Variants in PDE1C observed in about 807,000 individuals in gnomAD.
PDE1C encodes dual specificity calcium/calmodulin-dependent 3',5'-cyclic nucleotide phosphodiesterase 1C.
In PDE1C, 62 loss-of-function variants were observed where a neutral mutation model predicts 93.1. That is an observed-to-expected ratio of 0.67 (90% CI 0.54 to 0.82). PDE1C has a LOEUF of 0.82. PDE1C is among the 40% of genes least tolerant of loss of function. The pLI is 0.00. For missense variants in PDE1C, 742 were observed against 884.6 expected (o/e 0.84, Z 2.04); for synonymous variants, 325 against 310.1 (o/e 1.05, Z -0.50).
intron 9 of PDE1C, among the ~76,000 whole-genome samples, chr7:31,845,198 T>C (rs986167574): frequency 6.6e-6 from 1 of 152,074 alleles, no homozygotes; most frequent in Non-Finnish European, 1.5e-5. Context: ...AGCATAGAAA[T>C]AATAGTTGTT....
intron 16 of PDE1C, among the ~76,000 whole-genome samples, chr7:31,781,561 T>C (rs940271999): frequency 1.3e-5 from 2 of 152,198 alleles, no homozygotes; most frequent in African/African-American, 4.8e-5. Context: ...CAACAAGCCA[T>C]TGCCTGAAGC....
chr7:31,667,681 T>G, the PDE1C span, among the ~76,000 whole-genome samples: 1 of 152,032 alleles, frequency 6.6e-6, no homozygotes, highest in African/African-American at 2.4e-5. Context: ...AGTGCTTTTA[T>G]GTAATCAGTA....
intron 16 of PDE1C, among the ~76,000 whole-genome samples, chr7:31,779,527 A>G (rs760480815): frequency 2.6e-5 from 4 of 152,176 alleles, no homozygotes; most frequent in Non-Finnish European, 5.9e-5. Context: ...AGTCAGTGAA[A>G]AAGCAGAACT....
the PDE1C span, among the ~76,000 whole-genome samples, chr7:31,631,774 G>A: frequency 2.6e-5 from 4 of 152,302 alleles, no homozygotes; most frequent in Non-Finnish European, 5.9e-5. Flanking sequence ...CAAATGTTAC[G>A]TAGAAATCTT....
At chr7:31,993,500 A>T (rs530999951) in intron 2 of PDE1C, among the ~76,000 whole-genome samples, 48 of 152,194 alleles carry the variant, frequency 3.2e-4, no homozygotes, top group African/African-American at 1.1e-3. Flanking sequence ...TAAGTGATCA[A>T]TTAGAAAGCA....
the PDE1C span, among the ~76,000 whole-genome samples, chr7:31,649,116 G>A: frequency 4.6e-5 from 7 of 152,206 alleles, no homozygotes; most frequent in Non-Finnish European, 1.0e-4. Flanking sequence ...GCTTTACTAT[G>A]CAAAATACGT....
upstream of PDE1C, among the ~76,000 whole-genome samples, chr7:32,074,708 A>G (rs1347309826): frequency 6.6e-6 from 1 of 152,322 alleles, no homozygotes; most frequent in African/African-American, 2.4e-5. Context: ...TGACATTTGA[A>G]CTGGATCTTG....
chr7:32,231,956 T>TAC (rs1491530109), intron 1 of PDE1C, among the ~76,000 whole-genome samples: 2,231 of 126,834 alleles, frequency 0.018, 32 homozygotes, highest in East Asian at 0.022. Flanking sequence ...TAAATATGTG[T>TAC]ATACACACAC....
chr7:32,038,408 C>T (rs563526890), intron 2 of PDE1C, among the ~76,000 whole-genome samples: 1 of 152,112 alleles, frequency 6.6e-6, no homozygotes, highest in East Asian at 1.9e-4. Context: ...ATTCTGTGGC[C>T]ATTAATTTTT....
At chr7:31,707,120 C>A in the PDE1C span, 1 of 1,259,764 alleles carries the variant, frequency 7.9e-7, no homozygotes, top group Non-Finnish European at 1.1e-6. Flanking sequence ...GGTTGCCATG[C>A]TCCTTTGTAC....
Position 31,824,955 on chromosome 7 carries a change from T to C in PDE1C, c.1318A>G (p.Thr440Ala), listed in dbSNP as rs760722489. Residue 440 changes from threonine to alanine, a missense_variant, in exon 13 of 18, where the codon ACT becomes GCT. Thr to Ala is a moderately conservative substitution (Grantham distance 58). Transcript: ENST00000396191. ...TTCTCGGTCATGTCCGTAAGCACAGTGAAGGTGGGTTCCACGATGAAATCA... is the reference window on the plus strand; with the variant it reads ...TTCTCGGTCATGTCCGTAAGCACAGCGAAGGTGGGTTCCACGATGAAATCA... Reference protein sequence around the residue: ...FIDFIVEPTFTVLTDMTEKIV... With the variant: ...FIDFIVEPTFAVLTDMTEKIV... The C allele has an allele frequency of 1.2e-6, 2 of 1,613,302 alleles. No individual in the cohort carries two copies. Among genetic ancestry groups the C allele is most frequent in the Non-Finnish European group, 1.7e-6 (2 of 1,179,482 alleles).
At chr7:32,030,078 A>AACACACACACACACAC (rs376919544) in intron 2 of PDE1C, among the ~76,000 whole-genome samples, 2 of 134,086 alleles carry the variant, frequency 1.5e-5, no homozygotes, top group East Asian at 4.6e-4. Context: ...TGCATATTAT[A>AACACACACACACACAC]ACACACACAC....
intron 4 of PDE1C, 67 bp from the exon 5 acceptor site, chr7:31,878,103 C>T (rs1192400983): frequency 1.8e-6 from 2 of 1,082,316 alleles, no homozygotes; most frequent in East Asian, 4.8e-5. Flanking sequence ...TCCACAGACT[C>T]ATACCAAGTA....
intron 2 of PDE1C, among the ~76,000 whole-genome samples, chr7:31,996,222 C>G (rs1784711431): frequency 6.6e-6 from 1 of 152,080 alleles, no homozygotes; most frequent in South Asian, 2.1e-4. Flanking sequence ...CGTGATTACT[C>G]TATGGACTTT....
intron 3 of PDE1C, among the ~76,000 whole-genome samples, chr7:32,151,549 A>G (rs142837191): frequency 0.012 from 1,869 of 152,352 alleles, 7 homozygotes; most frequent in Non-Finnish European, 0.015. Context: ...ACAACAGAAT[A>G]CTACTCAGCA....
intron 2 of PDE1C, among the ~76,000 whole-genome samples, chr7:31,897,446 A>G (rs1457886837): frequency 6.6e-6 from 1 of 152,248 alleles, no homozygotes; most frequent in Non-Finnish European, 1.5e-5. Context: ...TATTTTATGA[A>G]TATTTCAATC....
the PDE1C span, among the ~76,000 whole-genome samples, chr7:31,692,235 A>G: frequency 1.3e-5 from 2 of 152,194 alleles, no homozygotes; most frequent in South Asian, 4.1e-4. Context: ...ATTTTGGCTT[A>G]AATCTCAAGT....
At chr7:32,018,981 A>G (rs1280338747) in intron 2 of PDE1C, among the ~76,000 whole-genome samples, 2 of 151,946 alleles carry the variant, frequency 1.3e-5, no homozygotes, top group African/African-American at 4.8e-5. Context: ...GGATACAGTC[A>G]TGTTGCTATA....
chr7:31,885,800 C>G (rs187173798), intron 2 of PDE1C, among the ~76,000 whole-genome samples: 1 of 152,332 alleles, frequency 6.6e-6, no homozygotes, highest in African/African-American at 2.4e-5. Flanking sequence ...CTGCCTTATA[C>G]TGGACTAGGC....
Sources: allele counts gnomAD v4.1 joint callset (sites outside exome capture counted in the v4.1 genomes callset), GRCh38; gene constraint gnomAD v4.1.1; transcripts MANE v1.5; gene names NCBI Gene and HGNC (gene_info 2026-07-23, HGNC 2026-07-21).